Variants in ZFHX3 observed in about 807,000 individuals in gnomAD.
The protein encoded by ZFHX3 is zinc finger homeobox 3, also known as zinc finger homeobox protein 3.
In ZFHX3, 42 loss-of-function variants were observed where a neutral mutation model predicts 279.1. That is an observed-to-expected ratio of 0.15 (90% CI 0.12 to 0.19). The LOEUF is 0.19. ZFHX3 is among the 10% of genes least tolerant of loss of function. The pLI, the probability that ZFHX3 is intolerant of heterozygous loss-of-function variation, is 1.00. For missense variants in ZFHX3, 4,981 were observed against 4,754.0 expected (o/e 1.05, Z -1.40); for synonymous variants, 2,293 against 1,957.8 (o/e 1.17, Z -4.52).
chr16:73,835,762 C>T (rs183838128), intron 1 of ZFHX3, among the ~76,000 whole-genome samples: 10 of 152,130 alleles, frequency 6.6e-5, no homozygotes, highest in East Asian at 5.8e-4. Flanking sequence ...TGAGCCACCA[C>T]GCCCGGCCTC....
At chr16:73,106,796 C>T (rs1017022023) in intron 7 of ZFHX3, among the ~76,000 whole-genome samples, 3 of 152,150 alleles carry the variant, frequency 2.0e-5, no homozygotes, top group African/African-American at 7.2e-5. Context: ...GATGGTGCAC[C>T]TGTCTAGAGT....
chr16:72,998,226 C>G (rs1215337463), intron 1 of ZFHX3, among the ~76,000 whole-genome samples: 2 of 152,092 alleles, frequency 1.3e-5, no homozygotes, highest in East Asian at 3.9e-4. Flanking sequence ...CATGGTGAAA[C>G]CCCATCTCTA....
chr16:73,332,224 TAAAC>T (rs1424988348), intron 3 of ZFHX3, among the ~76,000 whole-genome samples: 5 of 152,180 alleles, frequency 3.3e-5, no homozygotes, highest in Admixed American at 2.6e-4. Flanking sequence ...CTGGAGCTAT[TAAAC>T]AAGTAGGAAG....
chr16:72,842,210 G>GC (rs1555522924), intron 4 of ZFHX3, among the ~76,000 whole-genome samples: 5 of 148,904 alleles, frequency 3.4e-5, no homozygotes, highest in Non-Finnish European at 6.0e-5. Flanking sequence ...TTGTTTTTTT[G>GC]TTTTTTTTTT....
intron 2 of ZFHX3, among the ~76,000 whole-genome samples, chr16:73,536,854 G>A (rs2143740031): frequency 6.6e-6 from 1 of 152,184 alleles, no homozygotes; most frequent in East Asian, 1.9e-4. Context: ...ATACATGGTA[G>A]GCACACATTT....
At chr16:72,897,912 A>G (rs2038937242) in intron 3 of ZFHX3, among the ~76,000 whole-genome samples, 1 of 152,178 alleles carries the variant, frequency 6.6e-6, no homozygotes, top group Non-Finnish European at 1.5e-5. Flanking sequence ...CCAAGTCCAC[A>G]GCCGCCAAGC....
chr16:73,273,230 C>CA (rs1166347098), intron 4 of ZFHX3, among the ~76,000 whole-genome samples: 6 of 151,714 alleles, frequency 4.0e-5, no homozygotes, highest in East Asian at 1.9e-4. Flanking sequence ...AGACTTCTAA[C>CA]AAAAAAGCAT....
At chr16:73,287,778 AAGTGTGTG>A (rs2014664328) in intron 4 of ZFHX3, among the ~76,000 whole-genome samples, 1 of 35,532 alleles carries the variant, frequency 2.8e-5, no homozygotes, top group Non-Finnish European at 5.9e-5. Flanking sequence ...GTGTGTGGGT[AAGTGTGTG>A]GGTGTGTGGG....
chr16:73,303,882 A>G (rs1433219848), intron 4 of ZFHX3, among the ~76,000 whole-genome samples: 2 of 151,196 alleles, frequency 1.3e-5, no homozygotes, highest in South Asian at 2.1e-4. Flanking sequence ...ACCAGGATTA[A>G]GAAACTGATT....
intron 3 of ZFHX3, among the ~76,000 whole-genome samples, chr16:73,353,784 G>T (rs900070628): frequency 2.6e-5 from 4 of 152,078 alleles, no homozygotes; most frequent in African/African-American, 9.7e-5. Flanking sequence ...AAGACATTTG[G>T]CATAAAGAAC....
chr16:73,433,400 T>A (rs2017942932), intron 3 of ZFHX3, among the ~76,000 whole-genome samples: 1 of 152,084 alleles, frequency 6.6e-6, no homozygotes, highest in Non-Finnish European at 1.5e-5. Flanking sequence ...ATCTTGCAGG[T>A]AGACAATAGA....
At position 72,888,606 on chromosome 16, in the gene ZFHX3, A is replaced by C. The variant is rs149728282; in HGVS notation, c.3448+1125T>G. On this transcript the variant is annotated intron_variant, in intron 4 of 9. Coordinates refer to ENST00000268489, the MANE Select transcript of ZFHX3 (RefSeq NM_006885.4). ...CAGAGTCAGGCTTGCAGAACTATCA[A>C]GGGAAGTCAGAGGACAAGAGAAAAA... Among the ~76,000 whole-genome samples the C allele has an allele frequency of 3.3e-3, 497 of 152,374 alleles. 2 individuals carry two copies. The highest frequency in any genetic ancestry group is 6.8e-3 in the South Asian group (33 of 4,834).
intron 1 of ZFHX3, among the ~76,000 whole-genome samples, chr16:73,821,335 T>TG (rs1197843494): frequency 6.6e-6 from 1 of 152,174 alleles, no homozygotes; most frequent in African/African-American, 2.4e-5. Context: ...TGAGGAGGTA[T>TG]ATGGATTAGG....
At chr16:73,283,463 T>C (rs1000111406) in intron 4 of ZFHX3, among the ~76,000 whole-genome samples, 3 of 152,018 alleles carry the variant, frequency 2.0e-5, no homozygotes, top group East Asian at 1.9e-4. Flanking sequence ...AACGTGAAGG[T>C]TGGAATCTGA....
chr16:73,386,074 G>A (rs1176643920), intron 3 of ZFHX3, among the ~76,000 whole-genome samples: 1 of 152,134 alleles, frequency 6.6e-6, no homozygotes, highest in African/African-American at 2.4e-5. Context: ...GTCATCTCAG[G>A]CGAAACTATA....
At chr16:73,365,984 C>G (rs904158536) in intron 3 of ZFHX3, among the ~76,000 whole-genome samples, 6 of 152,054 alleles carry the variant, frequency 3.9e-5, no homozygotes, top group Non-Finnish European at 8.8e-5. Flanking sequence ...CAAGAGAAAA[C>G]AAAAAGGAAT....
intron 4 of ZFHX3, among the ~76,000 whole-genome samples, chr16:72,882,358 G>C (rs897945515): frequency 6.6e-6 from 1 of 152,068 alleles, no homozygotes; most frequent in Non-Finnish European, 1.5e-5. Flanking sequence ...TGTACAGCTG[G>C]TGCCACGTGT....
intron 5 of ZFHX3, among the ~76,000 whole-genome samples, chr16:73,172,988 G>GTTTTTT (rs1296855983): frequency 2.2e-5 from 1 of 46,168 alleles, no homozygotes; most frequent in Non-Finnish European, 3.5e-5. Context: ...TGATGGGACT[G>GTTTTTT]TTTTTTTGTT....
chr16:73,209,445 G>A (rs143360450), intron 5 of ZFHX3, among the ~76,000 whole-genome samples: 1,955 of 152,292 alleles, frequency 0.013, 15 homozygotes, highest in Non-Finnish European at 0.02. Flanking sequence ...CTTACAAGAT[G>A]TTGCCTTGAA....
Sources: gnomAD v4.1 joint callset for allele counts (sites outside exome capture counted in the v4.1 genomes callset) on GRCh38, gnomAD v4.1.1 for gene constraint, MANE v1.5 for transcripts, NCBI Gene and HGNC (gene_info 2026-07-23, HGNC 2026-07-21) for gene names.